ANKRD36C: variants seen among roughly 807,000 people sequenced by gnomAD.
ANKRD36C encodes the protein ankyrin repeat domain 36C, also known as ankyrin repeat domain-containing protein 36C.
ANKRD36C carries 61 observed loss-of-function variants against 276.4 expected under a neutral mutation model. The observed-to-expected ratio is 0.22, with a 90% CI of 0.18 to 0.27. The LOEUF (loss-of-function observed/expected upper bound fraction) is 0.27. Among genes scored for constraint, ANKRD36C ranks in the 10% least tolerant of loss-of-function variants. The probability of loss-of-function intolerance (pLI) is 1.00; values close to 1 mark genes in which losing one functional copy is unlikely to be tolerated. For missense variants in ANKRD36C, 1,447 were observed against 2,032.3 expected (o/e 0.71, Z 5.54); for synonymous variants, 483 against 680.1 (o/e 0.71, Z 4.51).
chr2:95,894,264 G>A (rs1676466419), intron 44 of ANKRD36C: 2 of 160,888 alleles, frequency 1.2e-5, no homozygotes, highest in Non-Finnish European at 1.4e-5. Context: ...TTGGACACCT[G>A]TTTGCTGATA....
At chr2:95,948,458 A>C in intron 17 of ANKRD36C, 72 bp downstream of exon 17, 1 of 1,445,630 alleles carries the variant, frequency 6.9e-7, no homozygotes, top group Non-Finnish European at 9.2e-7. Context: ...ACAATTGCTA[A>C]GTTTTAGAAG....
At chr2:95,891,628 G>A in intron 46 of ANKRD36C, 37 bp downstream of exon 66, 1 of 1,537,168 alleles carries the variant, frequency 6.5e-7, no homozygotes, top group African/African-American at 1.4e-5. Context: ...TTATCTATCT[G>A]CACTGAACAT....
chr2:95,893,873 A>T, intron 44 of ANKRD36C, 149 bp from the exon 63 acceptor site: 1 of 1,377,718 alleles, frequency 7.3e-7, no homozygotes, highest in Non-Finnish European at 9.8e-7. Context: ...GGACTAGAAC[A>T]TGACAGAAAT....
exon 61 of ANKRD36C, chr2:95,859,952 C>A: frequency 6.4e-7 from 1 of 1,550,436 alleles, no homozygotes; most frequent in Non-Finnish European, 8.7e-7. Context: ...TTTTGTAGTA[C>A]ACTAGCCTTA....
intron 44 of ANKRD36C, among the ~76,000 whole-genome samples, chr2:95,896,443 T>A (rs994967468): frequency 1.3e-5 from 2 of 149,524 alleles, no homozygotes; most frequent in African/African-American, 4.9e-5. Context: ...TCTAAAATAC[T>A]CTTGTTGGGA....
At chr2:95,854,977 TA>T (rs1675374768) in intron 63 of ANKRD36C, among the ~76,000 whole-genome samples, 1 of 152,178 alleles carries the variant, frequency 6.6e-6, no homozygotes, top group African/African-American at 2.4e-5. Flanking sequence ...GCAACATAAA[TA>T]CATTAAAATT....
chr2:95,853,798 C>T (rs759862683), exon 64 of ANKRD36C: 3 of 1,607,564 alleles, frequency 1.9e-6, no homozygotes, highest in South Asian at 1.1e-5. Flanking sequence ...TCCAGCAAAG[C>T]TTTTGTTGCT....
At chr2:95,872,149 G>T (rs989432222) in intron 59 of ANKRD36C, among the ~76,000 whole-genome samples, 121 of 146,040 alleles carry the variant, frequency 8.3e-4, no homozygotes, top group African/African-American at 2.9e-3. Flanking sequence ...ATTGAACTCA[G>T]CTCTGCACCA....
At chr2:95,913,770 A>C (rs1173740333) in intron 40 of ANKRD36C, among the ~76,000 whole-genome samples, 2 of 151,332 alleles carry the variant, frequency 1.3e-5, no homozygotes, top group Non-Finnish European at 1.5e-5. Context: ...GAAGTGTGTA[A>C]ATTCTATGCT....
At chr2:95,969,310 G>A (rs1264836762) in intron 6 of ANKRD36C, among the ~76,000 whole-genome samples, 1 of 152,132 alleles carries the variant, frequency 6.6e-6, no homozygotes, top group Admixed American at 6.5e-5. Flanking sequence ...TTTAGGAGTT[G>A]TATGACAGAA....
intron 1 of ANKRD36C, among the ~76,000 whole-genome samples, chr2:95,989,104 T>C (rs1031573175): frequency 2.0e-5 from 3 of 152,004 alleles, no homozygotes; most frequent in Admixed American, 2.0e-4. Flanking sequence ...GAGAGGCAGA[T>C]TGCAGTGAGC....
At chr2:95,887,938 T>C in exon 50 of ANKRD36C, 1 of 1,592,986 alleles carries the variant, frequency 6.3e-7, no homozygotes, top group Non-Finnish European at 8.6e-7. Context: ...TTCCAGATTG[T>C]TGTCCATCCT....
intron 10 of ANKRD36C, among the ~76,000 whole-genome samples, chr2:95,960,111 C>T (rs1678421157): frequency 1.3e-5 from 2 of 152,082 alleles, no homozygotes; most frequent in Admixed American, 1.3e-4. Context: ...CTGGTTTTAG[C>T]AATGTGATCA....
chr2:95,964,563 C>T (rs369756382), intron 6 of ANKRD36C, among the ~76,000 whole-genome samples: 1 of 152,054 alleles, frequency 6.6e-6, no homozygotes, highest in African/African-American at 2.4e-5. Flanking sequence ...TTTTGCTTTA[C>T]TAAAATGTTA....
chr2:95,865,270 AT>A (rs2104281987), intron 60 of ANKRD36C, among the ~76,000 whole-genome samples: 1 of 152,138 alleles, frequency 6.6e-6, no homozygotes, highest in African/African-American at 2.4e-5. Flanking sequence ...TAAGATGTCA[AT>A]TCTCCCCAAA....
At chr2:95,869,729 G>A (rs573980545) in intron 59 of ANKRD36C, among the ~76,000 whole-genome samples, 1 of 152,356 alleles carries the variant, frequency 6.6e-6, no homozygotes, top group South Asian at 2.1e-4. Flanking sequence ...CTCAGGAAGT[G>A]GAAGGGGTCA....
intron 58 of ANKRD36C, among the ~76,000 whole-genome samples, chr2:95,878,183 CAAA>C (rs566417679): frequency 4.8e-5 from 3 of 62,720 alleles, no homozygotes; most frequent in Non-Finnish European, 6.7e-5. Flanking sequence ...GACTCTGTCT[CAAA>C]AAAAAAAAAA....
At chr2:95,856,556 G>A (rs1675416679) in intron 62 of ANKRD36C, among the ~76,000 whole-genome samples, 1 of 152,108 alleles carries the variant, frequency 6.6e-6, no homozygotes, top group Non-Finnish European at 1.5e-5. Flanking sequence ...TCTCCCTATA[G>A]TGAGAGCCTT....
intron 38 of ANKRD36C, among the ~76,000 whole-genome samples, chr2:95,915,591 G>A (rs1004449801): frequency 4.6e-5 from 7 of 151,368 alleles, no homozygotes; most frequent in African/African-American, 1.5e-4. Context: ...AGTGTCTACC[G>A]GTTATTATGA....
Sources: gnomAD v4.1 joint callset for allele counts (sites outside exome capture counted in the v4.1 genomes callset) on GRCh38, gnomAD v4.1.1 for gene constraint, MANE v1.5 for transcripts, NCBI Gene and HGNC (gene_info 2026-07-23, HGNC 2026-07-21) for gene names.